The following CACNA1C variants were observed in gnomAD, a reference collection of about 807,000 sequenced individuals.
CACNA1C encodes voltage-dependent L-type calcium channel subunit alpha-1C.
CACNA1C carries 30 observed loss-of-function variants against 229.0 expected under a neutral mutation model. That is an observed-to-expected ratio of 0.13 (90% CI 0.10 to 0.18). The LOEUF is 0.18. CACNA1C is among the 10% of genes least tolerant of loss of function. The pLI, the probability that CACNA1C is intolerant of heterozygous loss-of-function variation, is 1.00. For synonymous variants in CACNA1C, 1,114 were observed against 1,132.5 expected (o/e 0.98, Z 0.33); for missense variants, 1,658 against 2,845.0 (o/e 0.58, Z 9.49).
At chr12:2,551,913 G>T (rs2099904948) in intron 10 of CACNA1C, among the ~76,000 whole-genome samples, 1 of 152,160 alleles carries the variant, frequency 6.6e-6, no homozygotes. Context: ...GTGTCATGGA[G>T]ACCACGAGAT....
At chr12:2,437,975 T>C (rs1376006771) in intron 3 of CACNA1C, among the ~76,000 whole-genome samples, 1 of 147,560 alleles carries the variant, frequency 6.8e-6, no homozygotes, top group Admixed American at 6.7e-5. Context: ...ATGGTGGTGA[T>C]AATGATGGTG....
chr12:1,989,405 A>G (rs1431230060), intron 1 of CACNA1C, among the ~76,000 whole-genome samples: 4 of 151,668 alleles, frequency 2.6e-5, no homozygotes, highest in African/African-American at 7.3e-5. Flanking sequence ...AGAGGAAAGA[A>G]AAGGGAAAGG....
intron 3 of CACNA1C, among the ~76,000 whole-genome samples, chr12:2,396,012 T>C (rs1442665228): frequency 6.6e-6 from 1 of 152,166 alleles, no homozygotes; most frequent in African/African-American, 2.4e-5. Context: ...CACTGGAGCC[T>C]GGTGCCCGTC....
At chr12:2,648,448 C>T in intron 30 of CACNA1C, 27 bp from the exon 31 acceptor site, 1 of 1,611,954 alleles carries the variant, frequency 6.2e-7, no homozygotes. Context: ...CTCATTACAG[C>T]TTATCTCTAT....
intron 13 of CACNA1C, 146 bp downstream of exon 13, chr12:2,567,940 G>A: frequency 3.4e-6 from 2 of 588,350 alleles, no homozygotes; most frequent in East Asian, 5.6e-5. Context: ...GGGGTAGTTT[G>A]TGTTCATTTA....
At chr12:2,031,663 A>G (rs559053868) in intron 1 of CACNA1C, among the ~76,000 whole-genome samples, 2 of 152,272 alleles carry the variant, frequency 1.3e-5, no homozygotes, top group South Asian at 4.2e-4. Flanking sequence ...AAATAAAGTT[A>G]TTGGGGAGAT....
intron 3 of CACNA1C, among the ~76,000 whole-genome samples, chr12:2,323,060 T>C (rs189146721): frequency 6.6e-6 from 1 of 152,264 alleles, no homozygotes; most frequent in Non-Finnish European, 1.5e-5. Context: ...TCTGTGACGA[T>C]CCTCAAGCCC....
intron 1 of CACNA1C, among the ~76,000 whole-genome samples, chr12:1,980,507 T>C (rs1056622235): frequency 6.6e-6 from 1 of 152,028 alleles, no homozygotes; most frequent in Admixed American, 6.6e-5. Flanking sequence ...ATGTTCTCAA[T>C]ATGTTTTCCC....
At chr12:2,321,882 CT>C (rs2096017836) in intron 3 of CACNA1C, among the ~76,000 whole-genome samples, 1 of 152,168 alleles carries the variant, frequency 6.6e-6, no homozygotes. Flanking sequence ...AAGGTAAAGT[CT>C]GGATCAAGTT....
rs181070289 is a variant in CACNA1C at position 2,123,192 on chromosome 12, C to T, written c.477+2762C>T. On this transcript the variant is annotated intron_variant, in intron 3 of 46. Transcript: ENST00000399655. The stretch of plus-strand genomic sequence containing the variant: ...GAGATCGAGACCAGCCTGGCTAACA[C>T]GGTAAAACCCCATCTCTACTAAAAA... Among the ~76,000 whole-genome samples, 46 of 152,016 alleles carry T rather than the reference C, an allele frequency of 3.0e-4. 1 individual carries two copies. The East Asian group carries it at 4.6e-3, about 15-fold the overall frequency.
At chr12:2,476,075 T>A (rs2099626214) in intron 5 of CACNA1C, among the ~76,000 whole-genome samples, 4 of 152,244 alleles carry the variant, frequency 2.6e-5, no homozygotes, top group Admixed American at 2.6e-4. Flanking sequence ...CCGAAGGAGA[T>A]CTGCTCCTTA....
intron 3 of CACNA1C, among the ~76,000 whole-genome samples, chr12:2,357,566 C>T (rs1214134206): frequency 6.6e-6 from 1 of 150,890 alleles, no homozygotes; most frequent in Non-Finnish European, 1.5e-5. Flanking sequence ...AGAGGCTAAC[C>T]AACAAAATTA....
intron 1 of CACNA1C, among the ~76,000 whole-genome samples, chr12:1,977,542 C>T (rs1015642430): frequency 4.6e-5 from 7 of 152,134 alleles, no homozygotes; most frequent in Admixed American, 2.6e-4. Context: ...TTGTTAAGTA[C>T]ACTGTACATG....
chr12:2,583,358 C>T (rs1248664981), intron 15 of CACNA1C, among the ~76,000 whole-genome samples: 1 of 152,252 alleles, frequency 6.6e-6, no homozygotes, highest in Non-Finnish European at 1.5e-5. Context: ...CAGCTCTCCT[C>T]CTGCTTTTTG....
At chr12:2,378,545 C>G (rs1477156368) in intron 3 of CACNA1C, among the ~76,000 whole-genome samples, 1 of 152,210 alleles carries the variant, frequency 6.6e-6, no homozygotes, top group Non-Finnish European at 1.5e-5. Flanking sequence ...GCCATCTACC[C>G]TGTGCGGGCA....
At chr12:2,487,194 T>A (rs2099701125) in intron 6 of CACNA1C, among the ~76,000 whole-genome samples, 1 of 151,848 alleles carries the variant, frequency 6.6e-6, no homozygotes, top group African/African-American at 2.4e-5. Flanking sequence ...ATATATATGA[T>A]TTTTTTCACA....
Position 2,641,739 on chromosome 12 carries a change from G to A in CACNA1C, c.3913-6736G>A, listed in dbSNP as rs745520517. 10 of 702,550 alleles carry A rather than the reference G, an allele frequency of 1.4e-5. No individual in the cohort carries two copies. The South Asian group carries it at 1.5e-4, about 10-fold the overall frequency. The allele number at this position is 702,550 out of a possible 1,614,324, so 43.5% of individuals were successfully genotyped here. On this transcript the variant is annotated intron_variant, in intron 30 of 46. Transcript: ENST00000399655. ...AGAAGGCGATGCTCAACCTGCAGGT[G>A]GAATGTTTATTGTATCTCAGGTGAG...
At chr12:2,673,580 A>G (rs1036939126) in intron 38 of CACNA1C, among the ~76,000 whole-genome samples, 1 of 151,948 alleles carries the variant, frequency 6.6e-6, no homozygotes, top group African/African-American at 2.4e-5. Context: ...TGATCAGGCC[A>G]TGGTCTCTTC....
chr12:2,345,812 C>G (rs753902328), intron 3 of CACNA1C, among the ~76,000 whole-genome samples: 69 of 152,106 alleles, frequency 4.5e-4, no homozygotes, highest in Non-Finnish European at 6.0e-4. Context: ...TCATCTGTCC[C>G]TGAGGTCCTA....
Sources: gnomAD v4.1 joint callset for allele counts (sites outside exome capture counted in the v4.1 genomes callset) on GRCh38, gnomAD v4.1.1 for gene constraint, MANE v1.5 for transcripts, NCBI Gene and HGNC (gene_info 2026-07-23, HGNC 2026-07-21) for gene names.